NPAT: variants seen among roughly 807,000 people sequenced by gnomAD.
The protein encoded by NPAT is nuclear protein, coactivator of histone transcription, also known as protein NPAT.
A neutral mutation model predicts 130.7 loss-of-function variants in NPAT; 52 were observed. The observed-to-expected ratio is 0.40, with a 90% confidence interval of 0.32 to 0.50. The LOEUF (loss-of-function observed/expected upper bound fraction) is 0.50, where lower values mean the gene tolerates loss of function less well. Among genes scored for constraint, NPAT ranks in the 20% least tolerant of loss-of-function variants. NPAT has a pLI of 0.68. For missense variants in NPAT, 1,687 were observed against 1,662.6 expected, an observed-to-expected ratio of 1.01 and a Z score of -0.26; for synonymous variants, 580 against 584.8, an observed-to-expected ratio of 0.99 and a Z score of 0.12.
Position 108,189,002 on chromosome 11 carries a change from G to C in NPAT, c.556+104C>G, listed in dbSNP as rs1423403146. On this transcript the variant is annotated intron_variant, in intron 6 of 17. Transcript: ENST00000278612. ...TTTTAGTCTCTCTCATCTTTTATGG[G>C]GGGGGCCATAATTTTACACTATGAG... is the stretch of plus-strand genomic sequence containing the variant. The C allele has an allele frequency of 3.7e-5, 33 of 882,728 alleles. No individual in the cohort carries two copies. In the South Asian group the frequency reaches 4.1e-4, roughly 11 times the overall value. 54.7% of individuals were successfully genotyped at this position (882,728 alleles called of 1,614,324 possible). A position where few individuals can be genotyped will look rare whatever the true frequency, so the allele number is the denominator to read the frequency against.
rs746692268 is a variant in NPAT at position 108,161,091 on chromosome 11, G to A, written c.3995C>T (p.Ala1332Val). Residue 1332 changes from alanine (A) to valine (V), a missense_variant, in exon 17 of 18, where the codon GCC (alanine) becomes GTC (valine). This residue lies in a region of NPAT where 1,379 missense variants were observed against 1,346.6 expected (regional missense o/e 1.02). Coordinates refer to ENST00000278612, the MANE Select transcript of NPAT (RefSeq NM_002519.3). ...TGSENSVNMA[A>V]HTLMILSRAA... ...CCTGGAGAGAATCATTAATGTGTGGGCAGCCATATTTACACTGTTTTCACT... is the reference window on the plus strand; with the variant it reads ...CCTGGAGAGAATCATTAATGTGTGGACAGCCATATTTACACTGTTTTCACT... 1 of 1,613,554 alleles carries A rather than the reference G, an allele frequency of 6.2e-7. No homozygotes were observed. The highest frequency in any genetic ancestry group is 8.5e-7 in the Non-Finnish European group (1 of 1,179,952).
chr11:108,208,111 T>G (rs1467183335), intron 1 of NPAT, among the ~76,000 whole-genome samples: 1 of 152,224 alleles, frequency 6.6e-6, no homozygotes, highest in Admixed American at 6.5e-5. Flanking sequence ...TGCATTATAC[T>G]TACTGGTTGA....
intron 5 of NPAT, among the ~76,000 whole-genome samples, chr11:108,189,666 C>A (rs957089066): frequency 6.7e-6 from 1 of 148,342 alleles, no homozygotes; most frequent in South Asian, 2.2e-4. Context: ...GTCAGGAGAT[C>A]GAGACCATCC....
chr11:108,182,957 C>T (rs2078071262), intron 10 of NPAT, among the ~76,000 whole-genome samples: 1 of 152,144 alleles, frequency 6.6e-6, no homozygotes, highest in Admixed American at 6.6e-5. Context: ...TTGGAGAACA[C>T]AAAAACTTAG....
At chr11:108,164,518 C>T (rs2077882964) in intron 15 of NPAT, among the ~76,000 whole-genome samples, 1 of 152,136 alleles carries the variant, frequency 6.6e-6, no homozygotes, top group African/African-American at 2.4e-5. Flanking sequence ...GGAAAGAAGA[C>T]ACAAGTTCAG....
Position 108,173,114 on chromosome 11 carries a change from G to C in NPAT, c.1870C>G (p.His624Asp), listed in dbSNP as rs908076832. 5 of 1,613,872 alleles carry C rather than the reference G, an allele frequency of 3.1e-6. No homozygotes were observed. The Admixed American group carries it at 8.3e-5, about 27-fold the overall frequency. Residue 624 changes from histidine (H) to aspartate (D), a missense_variant, in exon 13 of 18, where the codon CAT becomes GAT. By Grantham distance (81) the His-to-Asp change is moderately conservative. Transcript: ENST00000278612. ...HLNVSGQVEI[H>D]LGDSLSSTKQ... ...GTAGAAGACAGCGAATCTCCAAGAT[G>C]AATTTCTACTTGTCCAGATACATTT...
intron 1 of NPAT, among the ~76,000 whole-genome samples, chr11:108,219,426 T>C (rs1186395673): frequency 6.6e-6 from 1 of 152,200 alleles, no homozygotes; most frequent in African/African-American, 2.4e-5. Flanking sequence ...CTCTCACCAG[T>C]GTAAACGAAT....
intron 1 of NPAT, chr11:108,208,583 G>A (rs1334194910): frequency 7.3e-6 from 2 of 273,754 alleles, no homozygotes; most frequent in Admixed American, 5.9e-5. Context: ...GTGAGACCCT[G>A]TCTTTAAAAA....
intron 10 of NPAT, among the ~76,000 whole-genome samples, chr11:108,184,003 G>C (rs2078080923): frequency 6.6e-6 from 1 of 151,182 alleles, no homozygotes; most frequent in Non-Finnish European, 1.5e-5. Context: ...AAGGATAGTT[G>C]CACATGAACA....
rs1317755249 is a variant in NPAT, at chr11:108,193,960, T to C, written c.214A>G (p.Lys72Glu). 1 of 1,560,372 alleles carries C rather than the reference T, an allele frequency of 6.4e-7. No homozygotes were observed. The highest frequency in any genetic ancestry group is 1.7e-5 in the Admixed American group (1 of 59,838). ...AACTCCAAATCAGAACTCTTACCTTTTGTTTTCATAGCTACATACTCATTT... is the reference window on the plus strand; with the variant it reads ...AACTCCAAATCAGAACTCTTACCTTCTGTTTTCATAGCTACATACTCATTT... ...ILNEYVAMKT[K>E]ETSNNVPAIM... is the part of the protein sequence containing the mutation. The change falls in exon 3 of 18, where the codon AAA becomes GAA. Residue 72 changes from lysine (K) to glutamate (E), a missense_variant. By Grantham distance (56) the Lys-to-Glu change is moderately conservative. Transcript: ENST00000278612.
Position 108,161,881 on chromosome 11 carries a change from T to C in NPAT, c.3205A>G (p.Thr1069Ala), listed in dbSNP as rs1418127321. Reference protein sequence around the residue: ...CHRRVLCFDSTTAPVANTQGP... With the variant: ...CHRRVLCFDSATAPVANTQGP... The stretch of plus-strand genomic sequence containing the variant: ...TGCGTATTTGCCACAGGAGCAGTAG[T>C]GCTGTCGAAACAGAGTACACGTCTG... The change falls in exon 17 of 18, where the codon ACT (threonine) becomes GCT (alanine). Residue 1069 changes from threonine (T) to alanine (A), a missense_variant. Coordinates refer to ENST00000278612, the MANE Select transcript of NPAT (RefSeq NM_002519.3). The C allele has an allele frequency of 1.9e-6, 3 of 1,613,990 alleles. No homozygotes were observed. Among genetic ancestry groups the C allele is most frequent in the Non-Finnish European group, 2.5e-6 (3 of 1,180,014 alleles).
chr11:108,187,137 A>G (rs1231172233), intron 7 of NPAT, among the ~76,000 whole-genome samples: 1 of 152,194 alleles, frequency 6.6e-6, no homozygotes, highest in Non-Finnish European at 1.5e-5. Flanking sequence ...CAGGGTTCCT[A>G]TAAATGTTAA....
chr11:108,222,415 T>C (rs2078531658), intron 1 of NPAT, 85 bp downstream of exon 1: 2 of 1,439,902 alleles, frequency 1.4e-6, no homozygotes, highest in East Asian at 2.4e-5. Flanking sequence ...AAAGCTTCCC[T>C]ACCAAGGGAA....
intron 1 of NPAT, among the ~76,000 whole-genome samples, chr11:108,205,035 G>A (rs2078312412): frequency 6.6e-6 from 1 of 152,136 alleles, no homozygotes; most frequent in African/African-American, 2.4e-5. Context: ...TAAACTAAAA[G>A]AGATCCATAC....
intron 7 of NPAT, among the ~76,000 whole-genome samples, chr11:108,187,845 C>T (rs2078122965): frequency 6.6e-6 from 1 of 151,976 alleles, no homozygotes; most frequent in African/African-American, 2.4e-5. Flanking sequence ...GTAAGATATA[C>T]CATTATTTTA....
Position 108,204,058 on chromosome 11 carries a change from C to A in NPAT, c.38-6638G>T, listed in dbSNP as rs1031518478. On this transcript the variant is annotated intron_variant, in intron 1 of 17. Transcript: ENST00000278612. ...GAGAGAGATCAGACTGCTGTTTTTGCAAAACAGCACCCCGTCAGCAGAAAG... is the reference window on the plus strand; with the variant it reads ...GAGAGAGATCAGACTGCTGTTTTTGAAAAACAGCACCCCGTCAGCAGAAAG... Among the ~76,000 whole-genome samples the A allele has an allele frequency of 2.6e-5, 4 of 152,148 alleles. No homozygotes were observed. The East Asian group carries it at 5.8e-4, about 22-fold the overall frequency.
chr11:108,167,137 C>CT (rs2077908922), intron 15 of NPAT, among the ~76,000 whole-genome samples: 1 of 152,138 alleles, frequency 6.6e-6, no homozygotes. Flanking sequence ...TTTCTATTAA[C>CT]TCCCTGTGGC....
chr11:108,210,627 G>A (rs1438788135), intron 1 of NPAT, among the ~76,000 whole-genome samples: 1 of 152,140 alleles, frequency 6.6e-6, no homozygotes, highest in Non-Finnish European at 1.5e-5. Context: ...AGAAACACAA[G>A]AACAGACTAA....
At chr11:108,204,298 G>A (rs2078304125) in intron 1 of NPAT, among the ~76,000 whole-genome samples, 1 of 152,016 alleles carries the variant, frequency 6.6e-6, no homozygotes, top group Non-Finnish European at 1.5e-5. Context: ...GATGCCTAAG[G>A]CCAATCCAAT....
Sources: allele counts gnomAD v4.1 joint callset (sites outside exome capture counted in the v4.1 genomes callset), GRCh38; gene constraint gnomAD v4.1.1; regional missense constraint gnomAD v4.1.1; transcripts MANE v1.5; gene names NCBI Gene and HGNC (gene_info 2026-07-23, HGNC 2026-07-21).